Variants in FLOT1 observed in about 807,000 individuals in gnomAD.
FLOT1 encodes the protein flotillin 1, also known as flotillin-1.
FLOT1 carries 40 observed loss-of-function variants against 58.4 expected under a neutral mutation model. The ratio of observed to expected loss-of-function variants is 0.69; its 90% CI spans 0.53 to 0.89. The LOEUF (loss-of-function observed/expected upper bound fraction) is 0.89, where lower values mean the gene tolerates loss of function less well. FLOT1 is among the 40% of genes least tolerant of loss of function. The pLI, the probability that FLOT1 is intolerant of heterozygous loss-of-function variation, is 0.00. For missense variants in FLOT1, 423 were observed against 540.8 expected (o/e 0.78, Z 2.16); for synonymous variants, 178 against 204.2 (o/e 0.87, Z 1.09).
Position 30,728,146 on chromosome 6 carries a change from C to T in FLOT1, c.1255-1G>A. ...CTGTTCTCAAAGGCTTGTGATTCAC[C>T]TGGCAAAAAGACAACAGTAGATGAC... is the stretch of plus-strand genomic sequence containing the variant. On this transcript the variant is annotated splice_acceptor_variant, in intron 12 of 12. Coordinates refer to ENST00000376389, the MANE Select transcript of FLOT1 (RefSeq NM_005803.4). LOFTEE classifies it high-confidence loss of function. 2 of 1,612,912 alleles carry T rather than the reference C, an allele frequency of 1.2e-6. No individual in the cohort carries two copies. The highest frequency in any genetic ancestry group is 8.5e-7 in the Non-Finnish European group (1 of 1,179,922).
In FLOT1 at chr6:30,731,111, G is replaced by A; in HGVS notation, c.724-11C>T. On this transcript the variant is annotated splice_polypyrimidine_tract_variant and intron_variant, in intron 8 of 12. Transcript: ENST00000376389. ...CTTAGTCTTGGCCACCTGGGTAGGA[G>A]GGTGAAGTCAGGTTCACGCTCTGAG... 6.3e-7 allele frequency: 1 copy of A among 1,590,254 alleles called. No homozygotes were observed.
rs1562194755 is a variant in FLOT1 at position 30,740,682 on chromosome 6, G to T, written c.471C>A (p.Asp157Glu). The T allele has an allele frequency of 6.2e-7, 1 of 1,613,000 alleles. No individual in the cohort carries two copies. The highest frequency in any genetic ancestry group is 1.1e-5 in the South Asian group (1 of 91,078). ...AGGATCAATTGCCTAGTTTTACCTG[G>T]TCATCGTGAATGTCCTTCAGAGTGT... The part of the protein sequence containing the change: ...VSYTLKDIHD[D>E]QDYLHSLGKA... The change falls in exon 6 of 13, where the codon GAC becomes GAA. Residue 157 changes from aspartate to glutamate, a missense_variant. This residue lies in a region of FLOT1 where 137 missense variants were observed against 194.6 expected (regional missense o/e 0.70). Coordinates refer to ENST00000376389, the MANE Select transcript of FLOT1 (RefSeq NM_005803.4).
At position 30,737,246 on chromosome 6, in the gene FLOT1, G is replaced by GTCCATCCATCCATCCATCCATCCA. The variant is rs1214356628; in HGVS notation, c.723+2911_723+2912insTGGATGGATGGATGGATGGATGGA. ...CGTCCGTCCGTCCGTCCGTCCGTCC[G>GTCCATCCATCCATCCATCCATCCA]TCCATCCGTCCATCCATCCATCCAT... On this transcript the variant is annotated intron_variant, in intron 8 of 12. Transcript: ENST00000376389. This position sits in a 1 kb window ranked among gnomAD's most constrained non-coding sequence, Gnocchi z 4.4. 1.7e-3 allele frequency among the ~76,000 whole-genome samples: 243 copies of GTCCATCCATCCATCCATCCATCCA among 145,390 alleles called. 1 individual carries two copies. The highest frequency in any genetic ancestry group is 1.9e-3 in the Non-Finnish European group (126 of 65,836).
rs140411480 is a variant in FLOT1 at position 30,740,259 on chromosome 6, C to A, written c.622G>T (p.Glu208Ter). The change falls in exon 8 of 13, where the codon GAG becomes TAG. Residue 208 changes from glutamate (E) to a stop codon, truncating the protein, a stop_gained. Transcript: ENST00000376389. LOFTEE classifies it high-confidence loss of function. ...TAATCTCTCTGTGCCTTGGCCATCT[C>A]GATCTCACTCAGGTACTGAGCAGAC... ...KVSAQYLSEI[E>*]MAKAQRDYEL... 2 of 1,612,838 alleles carry A rather than the reference C, an allele frequency of 1.2e-6. No homozygotes were observed. The highest frequency in any genetic ancestry group is 1.7e-5 in the Admixed American group (1 of 59,990).
intron 8 of FLOT1, among the ~76,000 whole-genome samples, chr6:30,735,798 G>C (rs1292881695): frequency 6.6e-6 from 1 of 152,154 alleles, no homozygotes; most frequent in East Asian, 1.9e-4. Context: ...AGAAGCACTG[G>C]GTGCTGCCAG....
At chr6:30,738,442 T>G (rs1777740753) in intron 8 of FLOT1, among the ~76,000 whole-genome samples, 2 of 152,228 alleles carry the variant, frequency 1.3e-5, no homozygotes, top group African/African-American at 4.8e-5. Flanking sequence ...AAAGTACAGT[T>G]GATTTTCATT....
Position 30,737,047 on chromosome 6 carries a change from C to T in FLOT1, c.723+3111G>A, listed in dbSNP as rs1300307546. 5.3e-5 allele frequency among the ~76,000 whole-genome samples: 8 copies of T among 152,010 alleles called. No homozygotes were observed. The highest frequency in any genetic ancestry group is 2.0e-4 in the Admixed American group (3 of 15,236). ...GTGTCTCCATCGTGACCACACAAACCCTTTGTGATCTGGCCCTGCCTGCCT... is the reference window on the plus strand; with the variant it reads ...GTGTCTCCATCGTGACCACACAAACTCTTTGTGATCTGGCCCTGCCTGCCT... On this transcript the variant is annotated intron_variant, in intron 8 of 12. Coordinates refer to ENST00000376389, the MANE Select transcript of FLOT1 (RefSeq NM_005803.4). The surrounding 1 kb of genome is among the most constrained non-coding windows in gnomAD (Gnocchi z 4.4).
In FLOT1 at chr6:30,741,394, C is replaced by T. The variant is rs965744332; in HGVS notation, c.211-61G>A. On this transcript the variant is annotated intron_variant, in intron 4 of 12. Transcript: ENST00000376389. This position sits in a 1 kb window ranked among gnomAD's most constrained non-coding sequence, Gnocchi z 5.9. ...GGGTCTCATGAAGTCAGAGAAAAAG[C>T]AGAGAGAGAAGGGAGAGCCCTCTAA... The T allele has an allele frequency of 1.3e-6, 2 of 1,597,846 alleles. No individual in the cohort carries two copies. Among genetic ancestry groups the T allele is most frequent in the African/African-American group, 2.7e-5 (2 of 74,550 alleles).
In FLOT1 at chr6:30,730,945, CT is replaced by C; in HGVS notation, c.878del (p.Lys293SerfsTer5). 6.2e-7 allele frequency: 1 copy of C among 1,613,818 alleles called. No homozygotes were observed. Among genetic ancestry groups the C allele is most frequent in the South Asian group, 1.1e-5 (1 of 91,034 alleles). Reference sequence around the variant, plus strand: ...TCTCTGCCTCGGCTAGGCGCTCCAGCTTGTAGCGCTCCGCTTCCGCTGGCTT... The same window carrying C: ...TCTCTGCCTCGGCTAGGCGCTCCAGCTGTAGCGCTCCGCTTCCGCTGGCTT... ...VRKPAEAERY[K>X]LERLAEAEKS... On this transcript the variant is annotated frameshift_variant, in exon 9 of 13. Transcript: ENST00000376389. LOFTEE classifies it high-confidence loss of function.
Position 30,740,588 on chromosome 6 carries a change from A to T in FLOT1, c.478T>A (p.Tyr160Asn). The change falls in exon 7 of 13, where the codon TAT becomes AAT. Residue 160 changes from tyrosine (Y) to asparagine (N), a missense_variant. Transcript: ENST00000376389. ...CGAGCCTTCCCCAAAGAGTGCAAAT[A>T]GTCCTGTGGGAGAGATGTAGAAATT... ...TLKDIHDDQD[Y>N]LHSLGKARTA... 1 of 1,613,010 alleles carries T rather than the reference A, an allele frequency of 6.2e-7. No individual in the cohort carries two copies. Among genetic ancestry groups the T allele is most frequent in the Non-Finnish European group, 8.5e-7 (1 of 1,180,024 alleles).
intron 8 of FLOT1, 100 bp from the exon 9 acceptor site, chr6:30,731,200 G>T: frequency 1.6e-6 from 2 of 1,265,762 alleles, no homozygotes; most frequent in Non-Finnish European, 2.2e-6. Flanking sequence ...AATAGGAGCC[G>T]GTGGCCGGGC....
chr6:30,741,269 G>A lies in FLOT1; in HGVS notation c.275C>T (p.Thr92Met), dbSNP rs149998338. 41 of 1,612,930 alleles carry A rather than the reference G, an allele frequency of 2.5e-5. 1 individual carries two copies. Among genetic ancestry groups the A allele is most frequent in the Non-Finnish European group, 3.2e-5 (38 of 1,180,028 alleles). The change falls in exon 5 of 13, where the codon ACG (threonine) becomes ATG (methionine). Residue 92 changes from threonine (T) to methionine (M), a missense_variant. This residue lies in a region of FLOT1 where 91 missense variants were observed against 118.3 expected (regional missense o/e 0.77). Transcript: ENST00000376389. This position sits in a 1 kb window ranked among gnomAD's most constrained non-coding sequence, Gnocchi z 5.9. ...AAACQMFLGK[T>M]EAEIAHIALE... ...GGCAATGTGGGCAATCTCAGCCTCCGTCTTCCCCAGGAACATCTGACAGGC... is the reference window on the plus strand; with the variant it reads ...GGCAATGTGGGCAATCTCAGCCTCCATCTTCCCCAGGAACATCTGACAGGC...
rs754804649 is a variant in FLOT1, at chr6:30,740,497, C to T, written c.569G>A (p.Arg190Gln). 100 of 1,612,392 alleles carry T rather than the reference C, an allele frequency of 6.2e-5. No homozygotes were observed. The highest frequency in any genetic ancestry group is 4.4e-4 in the South Asian group (40 of 91,044). ...EAEAKRDAGI[R>Q]EAKAKQEKVS... Reference sequence around the variant, plus strand: ...CTAAGCAACCCCCATCTCTCTCACCCGGATCCCAGCATCTCTCTTGGCCTC... The same window carrying T: ...CTAAGCAACCCCCATCTCTCTCACCTGGATCCCAGCATCTCTCTTGGCCTC... Residue 190 changes from arginine (R) to glutamine (Q), a missense_variant and splice_region_variant, in exon 7 of 13, where the codon CGG becomes CAG. By Grantham distance (43) the Arg-to-Gln change is conservative. Transcript: ENST00000376389.
chr6:30,730,315 A>T, intron 11 of FLOT1, 113 bp downstream of exon 11: 1 of 1,486,536 alleles, frequency 6.7e-7, no homozygotes, highest in Non-Finnish European at 9.2e-7. Flanking sequence ...AATAATTCCC[A>T]CCCCTAATTT....
rs768747572 is a variant in FLOT1 at position 30,733,747 on chromosome 6, AAAAAAAAAG to A, written c.724-2656_724-2648del. ...AAGAGCAAAAATCCATCTCAAAAAA[AAAAAAAAAG>A]AAAAGAAAGCTGGGCTTGATGCAGT... On this transcript the variant is annotated intron_variant, in intron 8 of 12. Transcript: ENST00000376389. 7.9e-3 allele frequency among the ~76,000 whole-genome samples: 1,014 copies of A among 128,688 alleles called. 17 individuals carry two copies. Among genetic ancestry groups the A allele is most frequent in the South Asian group, 0.057 (231 of 4,020 alleles). The allele number at this position is 128,688 out of a possible 152,430, so 84.4% of individuals were successfully genotyped here.
In FLOT1 at chr6:30,730,196, G is replaced by A; in HGVS notation, c.1090-10C>T. 1.9e-6 allele frequency: 3 copies of A among 1,612,848 alleles called. No individual in the cohort carries two copies. Among genetic ancestry groups the A allele is most frequent in the Non-Finnish European group, 1.7e-6 (2 of 1,179,890 alleles). ...TGATCTCCTCTGCCACCTGGCAGGAGAGAGACACCCACTCAGTGCCCATGA... is the reference window on the plus strand; with the variant it reads ...TGATCTCCTCTGCCACCTGGCAGGAAAGAGACACCCACTCAGTGCCCATGA... On this transcript the variant is annotated splice_polypyrimidine_tract_variant and intron_variant, in intron 11 of 12. Transcript: ENST00000376389.
In FLOT1 at chr6:30,727,858, A is replaced by C; in HGVS notation, c.*258T>G. 1 of 590,296 alleles carries C rather than the reference A, an allele frequency of 1.7e-6. No homozygotes were observed. Among genetic ancestry groups the C allele is most frequent in the Non-Finnish European group, 3.0e-6 (1 of 330,562 alleles). 36.6% of individuals were successfully genotyped at this position (590,296 alleles called of 1,614,324 possible). A position where few individuals can be genotyped will look rare whatever the true frequency, so the allele number is the denominator to read the frequency against. On this transcript the variant is annotated 3_prime_UTR_variant, in exon 13 of 13. Transcript: ENST00000376389. Reference sequence around the variant, plus strand: ...AACAGTCTGATTTAATTAGGAAGTTAAATAAGTTGAGGTGGGGTGGAGTGG... The same window carrying C: ...AACAGTCTGATTTAATTAGGAAGTTCAATAAGTTGAGGTGGGGTGGAGTGG...
Position 30,741,319 on chromosome 6 carries a change from C to T in FLOT1, c.225G>A (p.Gly75=). The T allele has an allele frequency of 6.2e-7, 1 of 1,613,052 alleles. No homozygotes were observed. The highest frequency in any genetic ancestry group is 1.3e-5 in the African/African-American group (1 of 75,044). Residue 75 remains glycine, a synonymous_variant, in exon 5 of 13, where the codon GGG becomes GGA. Coordinates refer to ENST00000376389, the MANE Select transcript of FLOT1 (RefSeq NM_005803.4). This position sits in a 1 kb window ranked among gnomAD's most constrained non-coding sequence, Gnocchi z 5.9. ...CGGCCGCCAACATCTCCTTGTTCTGCCCCTGGATTTTTACCTGTAGCCAGA... is the reference window on the plus strand; with the variant it reads ...CGGCCGCCAACATCTCCTTGTTCTGTCCCTGGATTTTTACCTGTAGCCAGA... ...VTGIAQVKIQ[G]QNKEMLAAAC...
chr6:30,736,234 C>T (rs1208732759), intron 8 of FLOT1: 1 of 150,816 alleles, frequency 6.6e-6, no homozygotes, highest in Non-Finnish European at 1.5e-5. Flanking sequence ...CCTGGGGGAC[C>T]GAGTAAGACC....
Sources: gnomAD v4.1 joint callset for allele counts (sites outside exome capture counted in the v4.1 genomes callset) on GRCh38, gnomAD v4.1.1 for gene constraint, gnomAD v4.1.1 regional missense constraint, Gnocchi (gnomAD v3.1) non-coding constraint, MANE v1.5 for transcripts, NCBI Gene and HGNC (gene_info 2026-07-23, HGNC 2026-07-21) for gene names.